CCDC7: variants seen among roughly 807,000 people sequenced by gnomAD.
CCDC7 encodes coiled-coil domain containing 7, also known as coiled-coil domain-containing protein 7.
Under a neutral mutation model 196.9 loss-of-function variants are expected in CCDC7, and 183 were observed. That is an observed-to-expected ratio of 0.93 (90% CI 0.82 to 1.05). CCDC7 has a LOEUF of 1.05. CCDC7 is among the 50% of genes least tolerant of loss of function. The pLI is 0.00. For missense variants in CCDC7, 1,540 were observed against 1,482.2 expected (o/e 1.04, Z -0.64); for synonymous variants, 525 against 484.6 (o/e 1.08, Z -1.10).
intron 31 of CCDC7, among the ~76,000 whole-genome samples, chr10:32,819,056 A>G (rs1178891462): frequency 6.6e-6 from 1 of 152,216 alleles, no homozygotes. Flanking sequence ...AACAAAATTG[A>G]TAGACCACTA....
chr10:32,571,232 C>T (rs908816859), intron 15 of CCDC7, among the ~76,000 whole-genome samples: 18 of 152,136 alleles, frequency 1.2e-4, no homozygotes, highest in Non-Finnish European at 2.2e-4. Context: ...TAGTCTTGAA[C>T]TCCTGACCTC....
intron 18 of CCDC7, among the ~76,000 whole-genome samples, chr10:32,594,133 G>C (rs181446086): frequency 1.1e-4 from 17 of 152,180 alleles, no homozygotes; most frequent in Middle Eastern, 6.8e-3. Flanking sequence ...TATAAATTAC[G>C]TTGGGCAGTA....
chr10:32,748,016 A>C (rs2075078795), intron 28 of CCDC7, among the ~76,000 whole-genome samples: 1 of 152,220 alleles, frequency 6.6e-6, no homozygotes, highest in African/African-American at 2.4e-5. Flanking sequence ...TATATATCAT[A>C]GAATACTATG....
intron 13 of CCDC7, among the ~76,000 whole-genome samples, chr10:32,558,904 C>G (rs2054835220): frequency 6.6e-6 from 1 of 152,240 alleles, no homozygotes; most frequent in Non-Finnish European, 1.5e-5. Flanking sequence ...CAGGGAGTTC[C>G]CTTTCCTAGT....
At chr10:32,683,732 C>T (rs1182540681) in intron 21 of CCDC7, among the ~76,000 whole-genome samples, 1 of 152,138 alleles carries the variant, frequency 6.6e-6, no homozygotes, top group Non-Finnish European at 1.5e-5. Flanking sequence ...GGCAGAGGGG[C>T]TTGTTGCCAA....
At chr10:32,581,788 C>T (rs1187669637) in intron 16 of CCDC7, among the ~76,000 whole-genome samples, 1 of 151,632 alleles carries the variant, frequency 6.6e-6, no homozygotes, top group Non-Finnish European at 1.5e-5. Flanking sequence ...AATGATGTCC[C>T]CTAATAACCA....
chr10:32,811,446 A>C (rs993543514), intron 30 of CCDC7, among the ~76,000 whole-genome samples: 4 of 152,136 alleles, frequency 2.6e-5, no homozygotes, highest in Admixed American at 2.0e-4. Context: ...AGATTGAATT[A>C]AGAAGAAATA....
At chr10:32,522,806 G>A (rs901949259) in intron 11 of CCDC7, among the ~76,000 whole-genome samples, 2 of 152,002 alleles carry the variant, frequency 1.3e-5, no homozygotes. Flanking sequence ...TAGCTATGAA[G>A]TTTCCTCTTA....
At chr10:32,738,209 A>G (rs1169434505) in intron 28 of CCDC7, among the ~76,000 whole-genome samples, 2 of 152,100 alleles carry the variant, frequency 1.3e-5, no homozygotes, top group African/African-American at 2.4e-5. Context: ...AATTTTGTAT[A>G]GTGGTTTCCT....
At chr10:32,666,650 G>A (rs959500942) in intron 21 of CCDC7, among the ~76,000 whole-genome samples, 1 of 151,640 alleles carries the variant, frequency 6.6e-6, no homozygotes, top group Non-Finnish European at 1.5e-5. Flanking sequence ...CCTTGCGATA[G>A]TTTGCTGAGA....
intron 20 of CCDC7, among the ~76,000 whole-genome samples, chr10:32,662,833 G>T (rs2071790428): frequency 6.6e-6 from 1 of 152,158 alleles, no homozygotes; most frequent in Admixed American, 6.5e-5. Flanking sequence ...ATGAACCTAG[G>T]TCTGAGTTTG....
chr10:32,632,147 G>A (rs990607971), intron 18 of CCDC7, among the ~76,000 whole-genome samples: 1 of 139,458 alleles, frequency 7.2e-6, no homozygotes, highest in African/African-American at 2.6e-5. Context: ...TTTGGGGGGG[G>A]GGGGGTCTAA....
chr10:32,552,468 G>GT (rs2053627785), intron 13 of CCDC7, among the ~76,000 whole-genome samples: 1 of 152,002 alleles, frequency 6.6e-6, no homozygotes, highest in African/African-American at 2.4e-5. Flanking sequence ...TTGTTTATTT[G>GT]TTTTTTGCTT....
At chr10:32,662,212 C>A (rs60147699) in intron 20 of CCDC7, among the ~76,000 whole-genome samples, 6,930 of 152,176 alleles carry the variant, frequency 0.046, 529 homozygotes, top group African/African-American at 0.16. Context: ...CTGCACCAGG[C>A]GGACACTGCT....
intron 28 of CCDC7, among the ~76,000 whole-genome samples, chr10:32,755,917 G>A (rs1045400000): frequency 1.3e-5 from 2 of 152,112 alleles, no homozygotes; most frequent in Non-Finnish European, 2.9e-5. Flanking sequence ...CTTAAATGAC[G>A]TGATGGAGCA....
intron 3 of CCDC7, among the ~76,000 whole-genome samples, chr10:32,456,957 T>A (rs780961696): frequency 2.0e-5 from 3 of 151,954 alleles, no homozygotes; most frequent in Non-Finnish European, 4.4e-5. Flanking sequence ...TCAGAGTAAT[T>A]AGCATATTCA....
intron 10 of CCDC7, among the ~76,000 whole-genome samples, chr10:32,518,181 C>CCCTCTT (rs1482449315): frequency 6.6e-6 from 1 of 152,142 alleles, no homozygotes; most frequent in Non-Finnish European, 1.5e-5. Context: ...CTCTTCACTT[C>CCCTCTT]TGAAATACTA....
At chr10:32,544,453 C>A in intron 13 of CCDC7, 152 bp downstream of exon 14, 2 of 631,496 alleles carry the variant, frequency 3.2e-6, no homozygotes, top group Non-Finnish European at 2.4e-6. Flanking sequence ...AAAATTCTTC[C>A]TGAGATAATG....
intron 28 of CCDC7, among the ~76,000 whole-genome samples, chr10:32,730,114 C>A (rs1486506479): frequency 6.6e-6 from 1 of 152,100 alleles, no homozygotes. Context: ...TTAAGCCCAG[C>A]ACCCATTAGC....
Sources: allele counts gnomAD v4.1 joint callset (sites outside exome capture counted in the v4.1 genomes callset), GRCh38; gene constraint gnomAD v4.1.1; transcripts MANE v1.5; gene names NCBI Gene and HGNC (gene_info 2026-07-23, HGNC 2026-07-21).